Variants in CFAP20DC observed in about 807,000 individuals in gnomAD.
The protein encoded by CFAP20DC is protein CFAP20DC.
In CFAP20DC, 84 loss-of-function variants were observed where a neutral mutation model predicts 101.7. The ratio of observed to expected loss-of-function variants is 0.83; its 90% CI spans 0.69 to 0.99. The LOEUF (loss-of-function observed/expected upper bound fraction) is 0.99, where lower values mean the gene tolerates loss of function less well. Ranked by LOEUF, CFAP20DC falls within the 50% of genes least tolerant of loss-of-function variation. The probability of loss-of-function intolerance (pLI) is 0.00; values close to 1 mark genes in which losing one functional copy is unlikely to be tolerated. For missense variants in CFAP20DC, 1,007 were observed against 970.3 expected (o/e 1.04, Z -0.50); for synonymous variants, 359 against 351.2 (o/e 1.02, Z -0.25).
intron 14 of CFAP20DC, among the ~76,000 whole-genome samples, chr3:58,813,996 A>G (rs1294172606): frequency 1.3e-5 from 2 of 151,910 alleles, no homozygotes; most frequent in Non-Finnish European, 2.9e-5. Flanking sequence ...CAAAGGGCCT[A>G]ACAGGTTCTC....
chr3:58,992,290 T>G (rs761093055), intron 4 of CFAP20DC, among the ~76,000 whole-genome samples: 10 of 152,182 alleles, frequency 6.6e-5, no homozygotes, highest in Non-Finnish European at 1.3e-4. Flanking sequence ...CACAAAAATT[T>G]AGATTGTTCA....
chr3:59,030,018 C>A (rs894860136), intron 4 of CFAP20DC, among the ~76,000 whole-genome samples: 1 of 152,124 alleles, frequency 6.6e-6, no homozygotes, highest in Non-Finnish European at 1.5e-5. Flanking sequence ...TAGAAAGATG[C>A]TGAGGAAATG....
At chr3:58,979,219 T>G (rs1031015878) in intron 4 of CFAP20DC, among the ~76,000 whole-genome samples, 6 of 152,230 alleles carry the variant, frequency 3.9e-5, no homozygotes, top group Admixed American at 1.3e-4. Context: ...TCAGACTGCA[T>G]AGGCACAAAT....
chr3:58,863,940 G>C lies in CFAP20DC; in HGVS notation c.1259-48C>G. 3.3e-6 allele frequency: 5 copies of C among 1,496,122 alleles called. No homozygotes were observed. The highest frequency in any genetic ancestry group is 4.5e-6 in the Non-Finnish European group (5 of 1,120,238). The allele number at this position is 1,496,122 out of a possible 1,614,324, so 92.7% of individuals were successfully genotyped here. A position where few individuals can be genotyped will look rare whatever the true frequency, so the allele number is the denominator to read the frequency against. ...AAAATTAGAGCAGTAATCCATAAAA[G>C]TGTTATTTTTATTTATTTATTTTTA... On this transcript the variant is annotated intron_variant, in intron 11 of 16. Transcript: ENST00000482387. The surrounding 1 kb of genome is among the most constrained non-coding windows in gnomAD (Gnocchi z 5.9).
chr3:58,945,582 C>T (rs1266816804), intron 4 of CFAP20DC, among the ~76,000 whole-genome samples: 1 of 152,176 alleles, frequency 6.6e-6, no homozygotes, highest in Non-Finnish European at 1.5e-5. Context: ...CACATACTTA[C>T]TTCAAATCCT....
chr3:58,888,273 C>T (rs948748796), intron 6 of CFAP20DC, among the ~76,000 whole-genome samples: 1 of 152,196 alleles, frequency 6.6e-6, no homozygotes, highest in Non-Finnish European at 1.5e-5. Flanking sequence ...TTTATTGAGG[C>T]TCTACTATGT....
At chr3:58,762,050 G>A (rs1004158758) in intron 15 of CFAP20DC, among the ~76,000 whole-genome samples, 11 of 152,210 alleles carry the variant, frequency 7.2e-5, no homozygotes, top group Admixed American at 5.9e-4. Context: ...ATGTCTATTA[G>A]GTCTGCTTGG....
chr3:58,904,423 C>G (rs1450108439), intron 6 of CFAP20DC, among the ~76,000 whole-genome samples: 1 of 151,982 alleles, frequency 6.6e-6, no homozygotes, highest in Non-Finnish European at 1.5e-5. Context: ...CTCTGTTATA[C>G]TAAGACCATA....
At chr3:59,009,502 A>G (rs2108842990) in intron 4 of CFAP20DC, among the ~76,000 whole-genome samples, 1 of 152,310 alleles carries the variant, frequency 6.6e-6, no homozygotes, top group Non-Finnish European at 1.5e-5. Context: ...AATGAAAGAC[A>G]CATTTAGGGA....
chr3:58,791,081 G>A (rs2072808801), intron 15 of CFAP20DC, among the ~76,000 whole-genome samples: 1 of 152,130 alleles, frequency 6.6e-6, no homozygotes, highest in Non-Finnish European at 1.5e-5. Flanking sequence ...GTCTTCTGCT[G>A]CACTGAGCCT....
intron 14 of CFAP20DC, among the ~76,000 whole-genome samples, chr3:58,830,644 A>C (rs2108038435): frequency 6.6e-6 from 1 of 152,322 alleles, no homozygotes; most frequent in East Asian, 1.9e-4. Context: ...ACTTCAACTC[A>C]ATCTTTATAT....
chr3:58,719,754 A>G (rs2067445152), intron 3 of CFAP20DC, among the ~76,000 whole-genome samples: 2 of 152,192 alleles, frequency 1.3e-5, no homozygotes, highest in Non-Finnish European at 2.9e-5. Context: ...TCCCTGTGTT[A>G]CTACTTTTGG....
At chr3:58,828,657 G>A (rs1430251302) in intron 14 of CFAP20DC, among the ~76,000 whole-genome samples, 1 of 152,090 alleles carries the variant, frequency 6.6e-6, no homozygotes, top group Non-Finnish European at 1.5e-5. Context: ...AAGGAGAGAG[G>A]GAGGAAGGGG....
intron 15 of CFAP20DC, among the ~76,000 whole-genome samples, chr3:58,801,411 C>T (rs551088982): frequency 6.6e-6 from 1 of 152,216 alleles, no homozygotes; most frequent in South Asian, 2.1e-4. Context: ...ATAAGGAAAT[C>T]CTCTGTCATG....
intron 15 of CFAP20DC, among the ~76,000 whole-genome samples, chr3:58,785,468 C>T (rs1486302566): frequency 6.6e-6 from 1 of 152,060 alleles, no homozygotes; most frequent in African/African-American, 2.4e-5. Flanking sequence ...GATAAATATT[C>T]AAGATGGATA....
chr3:59,034,258 T>C (rs900738465), intron 4 of CFAP20DC, among the ~76,000 whole-genome samples: 4 of 152,128 alleles, frequency 2.6e-5, no homozygotes, highest in African/African-American at 9.7e-5. Flanking sequence ...ATTTTAAAGA[T>C]CATTGACACT....
intron 1 of CFAP20DC, among the ~76,000 whole-genome samples, chr3:59,047,932 T>G (rs1010378373): frequency 6.6e-6 from 1 of 152,200 alleles, no homozygotes; most frequent in African/African-American, 2.4e-5. Flanking sequence ...AAATTCCTAT[T>G]TTGAGCATTC....
At chr3:58,856,554 C>G (rs1439138066) in intron 12 of CFAP20DC, among the ~76,000 whole-genome samples, 2 of 152,216 alleles carry the variant, frequency 1.3e-5, no homozygotes, top group Non-Finnish European at 2.9e-5. Flanking sequence ...AGTCTGGGCA[C>G]CCTAGGATGT....
At chr3:58,843,357 G>C (rs1301208825) in intron 13 of CFAP20DC, among the ~76,000 whole-genome samples, 1 of 152,098 alleles carries the variant, frequency 6.6e-6, no homozygotes, top group Non-Finnish European at 1.5e-5. Flanking sequence ...CGAGAACTAC[G>C]TGAAGAATGC....
Sources: allele counts gnomAD v4.1 joint callset (sites outside exome capture counted in the v4.1 genomes callset), GRCh38; gene constraint gnomAD v4.1.1; non-coding constraint Gnocchi (gnomAD v3.1); transcripts MANE v1.5; gene names NCBI Gene and HGNC (gene_info 2026-07-23, HGNC 2026-07-21).